The following GKAP1 variants were observed in gnomAD, a reference collection of about 807,000 sequenced individuals.
GKAP1 encodes G kinase-anchoring protein 1.
In GKAP1, 31 loss-of-function variants were observed where a neutral mutation model predicts 56.7. The observed-to-expected ratio is 0.55, with a 90% confidence interval of 0.41 to 0.74. The LOEUF (loss-of-function observed/expected upper bound fraction) is 0.74. Among genes scored for constraint, GKAP1 ranks in the 30% least tolerant of loss-of-function variants. The pLI is 0.00. For synonymous variants in GKAP1, 151 were observed against 138.6 expected, an observed-to-expected ratio of 1.09 and a Z score of -0.63; for missense variants, 364 against 402.3, an observed-to-expected ratio of 0.90 and a Z score of 0.82.
chr9:83,773,165 T>C (rs1380247734), intron 7 of GKAP1, among the ~76,000 whole-genome samples: 3 of 152,134 alleles, frequency 2.0e-5, no homozygotes, highest in Non-Finnish European at 4.4e-5. Context: ...ATAAACAACA[T>C]TTATACAATG....
chr9:83,774,661 C>G (rs1264476833), intron 7 of GKAP1, among the ~76,000 whole-genome samples: 1 of 145,792 alleles, frequency 6.9e-6, no homozygotes, highest in Admixed American at 6.9e-5. Context: ...AACTGAAAAG[C>G]TTCGGCACAG....
intron 3 of GKAP1, among the ~76,000 whole-genome samples, chr9:83,801,630 C>T (rs1009606555): frequency 9.9e-5 from 15 of 152,178 alleles, no homozygotes; most frequent in African/African-American, 3.6e-4. Flanking sequence ...AGGTCAGCTA[C>T]TGTTTGCTTT....
Position 83,768,817 on chromosome 9 carries a change from C to T in GKAP1, c.738+1G>A, listed in dbSNP as rs767882934. On this transcript the variant is annotated splice_donor_variant, in intron 8 of 12. Transcript: ENST00000376371. LOFTEE classifies it high-confidence loss of function. Reference sequence around the variant, plus strand: ...TTAAGAGAATTTTCTACTTTACATGCCTGGTTGTGTTCATGAGCTGTACAA... The same window carrying T: ...TTAAGAGAATTTTCTACTTTACATGTCTGGTTGTGTTCATGAGCTGTACAA... 6.2e-7 allele frequency: 1 copy of T among 1,608,420 alleles called. No homozygotes were observed. The highest frequency in any genetic ancestry group is 8.5e-7 in the Non-Finnish European group (1 of 1,178,498).
At chr9:83,793,645 A>G (rs554922504) in intron 4 of GKAP1, among the ~76,000 whole-genome samples, 10 of 152,362 alleles carry the variant, frequency 6.6e-5, no homozygotes, top group South Asian at 4.1e-4. Context: ...TAAAAGTAGT[A>G]ATGAAAATAG....
rs370118236 is a variant in GKAP1 at position 83,779,476 on chromosome 9, T to A, written c.585+906A>T. ...ACACACACACACACGCACATATACA[T>A]ATACATACATATATACACATATACA... On this transcript the variant is annotated intron_variant, in intron 7 of 12. Coordinates refer to ENST00000376371, the MANE Select transcript of GKAP1 (RefSeq NM_025211.4). 2.4e-3 allele frequency among the ~76,000 whole-genome samples: 126 copies of A among 52,016 alleles called. 9 individuals are homozygous for A. The highest frequency in any genetic ancestry group is 5.2e-3 in the African/African-American group (121 of 23,108). 34.1% of individuals were successfully genotyped at this position (52,016 alleles called of 152,430 possible).
At chr9:83,758,802 A>T (rs1943520500) in intron 8 of GKAP1, among the ~76,000 whole-genome samples, 1 of 151,982 alleles carries the variant, frequency 6.6e-6, no homozygotes, top group Non-Finnish European at 1.5e-5. Flanking sequence ...TTTCACCTTT[A>T]AAAATGCCTA....
At chr9:83,766,231 C>T (rs925744956) in intron 8 of GKAP1, among the ~76,000 whole-genome samples, 1 of 152,166 alleles carries the variant, frequency 6.6e-6, no homozygotes, top group Non-Finnish European at 1.5e-5. Context: ...GTGCTTTCTA[C>T]CATGATTGTT....
chr9:83,790,307 T>A (rs530608039), intron 4 of GKAP1, among the ~76,000 whole-genome samples: 1 of 152,234 alleles, frequency 6.6e-6, no homozygotes, highest in Non-Finnish European at 1.5e-5. Context: ...TCTGAACTAG[T>A]AATTAGCAAG....
intron 7 of GKAP1, among the ~76,000 whole-genome samples, chr9:83,770,948 A>G (rs916716047): frequency 1.3e-5 from 2 of 152,224 alleles, no homozygotes; most frequent in African/African-American, 4.8e-5. Flanking sequence ...CTGTCTATCC[A>G]ATTATATATT....
At chr9:83,775,780 C>T (rs1943848674) in intron 7 of GKAP1, among the ~76,000 whole-genome samples, 1 of 146,652 alleles carries the variant, frequency 6.8e-6, no homozygotes, top group African/African-American at 2.5e-5. Context: ...GAAGCTGAGG[C>T]TCAAGAATCG....
chr9:83,780,388 CT>C lies in GKAP1; in HGVS notation c.578del (p.Lys193ArgfsTer5). The C allele has an allele frequency of 8.5e-7, 1 of 1,182,364 alleles. No individual in the cohort carries two copies. Among genetic ancestry groups the C allele is most frequent in the Non-Finnish European group, 1.1e-6 (1 of 882,734 alleles). 73.2% of individuals were successfully genotyped at this position (1,182,364 alleles called of 1,614,324 possible). Reference sequence around the variant, plus strand: ...TGGCTACAATAAGACTTACCTCAGTCTTTTTACTAATGTGATCTGTAAATGA... The same window carrying C: ...TGGCTACAATAAGACTTACCTCAGTCTTTTACTAATGTGATCTGTAAATGA... The part of the protein sequence containing the change: ...DFHSEDHISK[K>X]TEELSSSQTL... On this transcript the variant is annotated frameshift_variant, in exon 7 of 13. Coordinates refer to ENST00000376371, the MANE Select transcript of GKAP1 (RefSeq NM_025211.4). LOFTEE classifies it high-confidence loss of function.
intron 6 of GKAP1, among the ~76,000 whole-genome samples, chr9:83,781,020 C>A (rs1427300648): frequency 6.6e-6 from 1 of 152,100 alleles, no homozygotes; most frequent in Non-Finnish European, 1.5e-5. Flanking sequence ...CACAGCATTT[C>A]TGGAAAGGAA....
chr9:83,779,640 C>T lies in GKAP1; in HGVS notation c.585+742G>A, dbSNP rs1047604983. 1.0e-4 allele frequency among the ~76,000 whole-genome samples: 14 copies of T among 136,802 alleles called. No individual in the cohort carries two copies. In the East Asian group the frequency reaches 1.4e-3, roughly 14 times the overall value. The allele number at this position is 136,802 out of a possible 152,430, so 89.7% of individuals were successfully genotyped here. ...ACACACACACACACACACACACACA[C>T]ATTCTAAAGTGAAATCGAGGACCAT... On this transcript the variant is annotated intron_variant, in intron 7 of 12. Coordinates refer to ENST00000376371, the MANE Select transcript of GKAP1 (RefSeq NM_025211.4).
intron 7 of GKAP1, among the ~76,000 whole-genome samples, chr9:83,771,072 T>G (rs1943751458): frequency 6.6e-6 from 1 of 152,096 alleles, no homozygotes; most frequent in South Asian, 2.1e-4. Flanking sequence ...TGTCCCACAT[T>G]CTCTTTTTTT....
At chr9:83,791,865 G>C (rs577268599) in intron 4 of GKAP1, among the ~76,000 whole-genome samples, 2 of 152,162 alleles carry the variant, frequency 1.3e-5, no homozygotes, top group Non-Finnish European at 2.9e-5. Flanking sequence ...TTTTAAGTTG[G>C]TATTTAAATA....
In GKAP1 at chr9:83,813,965, T is replaced by C. The variant is rs373464574; in HGVS notation, c.-44+3031A>G. On this transcript the variant is annotated intron_variant, in intron 2 of 12. Coordinates refer to ENST00000376371, the MANE Select transcript of GKAP1 (RefSeq NM_025211.4). ...AATGTACAACAGTTAGCAGGCATAG[T>C]GGTGCATGACTGTGGTCCCAGCTAC... 1.9e-3 allele frequency among the ~76,000 whole-genome samples: 296 copies of C among 152,214 alleles called. 1 individual carries two copies. The highest frequency in any genetic ancestry group is 2.5e-3 in the Non-Finnish European group (169 of 67,990).
chr9:83,786,421 A>T (rs1332217000), intron 5 of GKAP1, among the ~76,000 whole-genome samples: 1 of 152,096 alleles, frequency 6.6e-6, no homozygotes, highest in Non-Finnish European at 1.5e-5. Flanking sequence ...CATGCCTGTA[A>T]TCCCAGCTAC....
In GKAP1 at chr9:83,806,121, A is replaced by T. The variant is rs1429399441; in HGVS notation, c.216+181T>A. On this transcript the variant is annotated intron_variant, in intron 3 of 12. Transcript: ENST00000376371. ...GACAGAGTGAGACCCTGTCTCAAAA[A>T]AAAAAAAAGATCATTACATTTGATT... Among the ~76,000 whole-genome samples, 11 of 152,286 alleles carry T rather than the reference A, an allele frequency of 7.2e-5. No individual in the cohort carries two copies. The South Asian group carries it at 8.3e-4, about 11-fold the overall frequency.
chr9:83,784,102 TA>T (rs142621722), intron 6 of GKAP1, among the ~76,000 whole-genome samples: 50,874 of 150,886 alleles, frequency 0.34, 9,362 homozygotes, highest in East Asian at 0.49. Flanking sequence ...CTGTCTCTAC[TA>T]AAAAATACAA....
Sources: gnomAD v4.1 joint callset for allele counts (sites outside exome capture counted in the v4.1 genomes callset) on GRCh38, gnomAD v4.1.1 for gene constraint, MANE v1.5 for transcripts, NCBI Gene and HGNC (gene_info 2026-07-23, HGNC 2026-07-21) for gene names.